The following FBN2 variants were observed in gnomAD, a reference collection of about 807,000 sequenced individuals.
The protein encoded by FBN2 is fibrillin 2, also known as fibrillin-2.
Under a neutral mutation model 355.6 loss-of-function variants are expected in FBN2, and 105 were observed. That is an observed-to-expected ratio of 0.30 (90% CI 0.25 to 0.35). The LOEUF (loss-of-function observed/expected upper bound fraction) is 0.35. Among genes scored for constraint, FBN2 ranks in the 10% least tolerant of loss-of-function variants. The pLI, the probability that FBN2 is intolerant of heterozygous loss-of-function variation, is 1.00. For missense variants in FBN2, 3,280 were observed against 3,758.7 expected, an observed-to-expected ratio of 0.87 and a Z score of 3.33; for synonymous variants, 1,350 against 1,301.2, an observed-to-expected ratio of 1.04 and a Z score of -0.81.
intron 5 of FBN2, among the ~76,000 whole-genome samples, chr5:128,508,476 T>C (rs1400703653): frequency 6.6e-6 from 1 of 152,040 alleles, no homozygotes; most frequent in Admixed American, 6.6e-5. Context: ...ATGTCTATCT[T>C]CAAGTAACAT....
intron 7 of FBN2, among the ~76,000 whole-genome samples, chr5:128,411,499 C>A (rs533429703): frequency 6.0e-4 from 91 of 152,296 alleles, no homozygotes; most frequent in African/African-American, 2.1e-3. Flanking sequence ...AGCGGAACTC[C>A]TCTCTGACCG....
chr5:128,432,118 C>T (rs1753643523), intron 7 of FBN2, among the ~76,000 whole-genome samples: 2 of 152,144 alleles, frequency 1.3e-5, no homozygotes, highest in Admixed American at 1.3e-4. Flanking sequence ...ATTTAAATTA[C>T]ATCTCTCTAT....
intron 11 of FBN2, among the ~76,000 whole-genome samples, chr5:128,379,891 C>G (rs749155986): frequency 1.3e-5 from 2 of 152,012 alleles, no homozygotes; most frequent in East Asian, 3.9e-4. Context: ...GAGAACATAA[C>G]AATAAAATCA....
At chr5:128,338,379 T>C (rs1750903363) in intron 26 of FBN2, among the ~76,000 whole-genome samples, 1 of 152,172 alleles carries the variant, frequency 6.6e-6, no homozygotes, top group African/African-American at 2.4e-5. Flanking sequence ...TAGAAATACA[T>C]AATATTTGCT....
intron 59 of FBN2, 48 bp downstream of exon 59, chr5:128,275,990 A>T (rs1765385419): frequency 6.2e-7 from 1 of 1,604,488 alleles, no homozygotes; most frequent in Admixed American, 1.7e-5. Flanking sequence ...TAAATTTGAA[A>T]GAAAAGATAC....
At chr5:128,372,664 G>T (rs1393054166) in intron 15 of FBN2, among the ~76,000 whole-genome samples, 1 of 152,016 alleles carries the variant, frequency 6.6e-6, no homozygotes, top group Non-Finnish European at 1.5e-5. Context: ...GCTAATTTTT[G>T]TATTTTTTGC....
intron 5 of FBN2, among the ~76,000 whole-genome samples, chr5:128,500,490 CG>C: frequency 7.2e-6 from 1 of 139,422 alleles, no homozygotes; most frequent in African/African-American, 2.8e-5. Context: ...CCACCCAGGC[CG>C]GACTGCTGTG....
chr5:128,347,042 C>G (rs904562696), intron 23 of FBN2, among the ~76,000 whole-genome samples: 3 of 152,146 alleles, frequency 2.0e-5, no homozygotes, highest in African/African-American at 7.2e-5. Context: ...CTCCTTATAG[C>G]TGGTTCCGTC....
chr5:128,311,491 G>A lies in FBN2; in HGVS notation c.4949-66C>T, dbSNP rs1166896768. The A allele has an allele frequency of 2.6e-6, 4 of 1,541,220 alleles. No homozygotes were observed. In the East Asian group the frequency reaches 9.0e-5, roughly 35 times the overall value. Reference sequence around the variant, plus strand: ...ACTAAGGATAAGAGTTAATATTAGAGCTTTCAAAAGTGTGATCTTGTAAGA... The same window carrying A: ...ACTAAGGATAAGAGTTAATATTAGAACTTTCAAAAGTGTGATCTTGTAAGA... On this transcript the variant is annotated intron_variant, in intron 38 of 64. Transcript: ENST00000262464.
intron 5 of FBN2, among the ~76,000 whole-genome samples, chr5:128,485,081 T>C (rs1000140648): frequency 7.2e-5 from 11 of 152,076 alleles, no homozygotes; most frequent in African/African-American, 2.7e-4. Context: ...CTGAGTGCAA[T>C]GCAACGAACA....
At chr5:128,431,293 A>T (rs1409796110) in intron 7 of FBN2, among the ~76,000 whole-genome samples, 1 of 151,958 alleles carries the variant, frequency 6.6e-6, no homozygotes, top group African/African-American at 2.4e-5. Flanking sequence ...AAGAATTAAA[A>T]TCGCTTTCTA....
chr5:128,317,284 T>C lies in FBN2; in HGVS notation c.4717+865A>G, dbSNP rs373239813. 9.2e-5 allele frequency among the ~76,000 whole-genome samples: 14 copies of C among 152,338 alleles called. 1 individual carries two copies. Among genetic ancestry groups the C allele is most frequent in the South Asian group, 4.1e-4 (2 of 4,830 alleles). On this transcript the variant is annotated intron_variant, in intron 36 of 64. Transcript: ENST00000262464. Reference sequence around the variant, plus strand: ...TAAACACAAAAGCAGAGAATGTGCTTGTTCTGTTCACTGTTGCAACTCCAG... The same window carrying C: ...TAAACACAAAAGCAGAGAATGTGCTCGTTCTGTTCACTGTTGCAACTCCAG...
At chr5:128,368,600 G>A (rs1239059527) in intron 16 of FBN2, among the ~76,000 whole-genome samples, 1 of 151,250 alleles carries the variant, frequency 6.6e-6, no homozygotes, top group African/African-American at 2.4e-5. Flanking sequence ...ACAGATCAAG[G>A]AAACTGAGGC....
intron 33 of FBN2, among the ~76,000 whole-genome samples, chr5:128,329,557 A>AT (rs1250621929): frequency 6.6e-6 from 1 of 152,192 alleles, no homozygotes; most frequent in Admixed American, 6.5e-5. Context: ...ACACTGAGCT[A>AT]ATAATGCATG....
chr5:128,345,427 C>T lies in FBN2; in HGVS notation c.3147G>A (p.Glu1049=), dbSNP rs1356177204. The T allele has an allele frequency of 1.2e-6, 2 of 1,614,148 alleles. No homozygotes were observed. The highest frequency in any genetic ancestry group is 1.7e-6 in the Non-Finnish European group (2 of 1,180,016). ...AGCCAGCCCCGCGGGGGCACAGCGT[C>T]TCGTATTCCTTGGTGCCAGGTTTGG... The part of the protein sequence containing the change: ...ECPKPGTKEY[E]TLCPRGAGFA... Residue 1049 remains glutamate (E), a synonymous_variant, in exon 24 of 65, where the codon GAG becomes GAA. Transcript: ENST00000262464.
chr5:128,340,818 CCTCTCTCT>C (rs752335442), intron 25 of FBN2, among the ~76,000 whole-genome samples: 1 of 150,272 alleles, frequency 6.7e-6, no homozygotes, highest in South Asian at 2.1e-4. Flanking sequence ...TCTCTCTCTC[CCTCTCTCT>C]CTCTCTCTCT....
At chr5:128,297,868 A>G (rs1180799608) in intron 48 of FBN2, among the ~76,000 whole-genome samples, 1 of 150,280 alleles carries the variant, frequency 6.7e-6, no homozygotes, top group African/African-American at 2.5e-5. Flanking sequence ...TGTGAATTTG[A>G]TCCTGTCATT....
In FBN2 at chr5:128,443,424, T is replaced by C. The variant is rs1197799468; in HGVS notation, c.952+3057A>G. On this transcript the variant is annotated intron_variant, in intron 7 of 64. Transcript: ENST00000262464. ...CCTACTCTCAATTAATCAACATATA[T>C]TTGTTTGGAGCCTACTAAACTTTTC... 2.6e-5 allele frequency among the ~76,000 whole-genome samples: 4 copies of C among 152,146 alleles called. No individual in the cohort carries two copies. The East Asian group carries it at 7.7e-4, about 29-fold the overall frequency.
intron 48 of FBN2, among the ~76,000 whole-genome samples, chr5:128,297,979 T>C (rs1312445612): frequency 1.3e-5 from 2 of 151,630 alleles, no homozygotes; most frequent in Non-Finnish European, 2.9e-5. Context: ...TGGTACCGGT[T>C]GTTCCTTTCC....
Sources: gnomAD v4.1 joint callset for allele counts (sites outside exome capture counted in the v4.1 genomes callset) on GRCh38, gnomAD v4.1.1 for gene constraint, MANE v1.5 for transcripts, NCBI Gene and HGNC (gene_info 2026-07-23, HGNC 2026-07-21) for gene names.